Variants in KHDRBS2 observed in about 807,000 individuals in gnomAD.
KHDRBS2 encodes KH domain-containing, RNA-binding, signal transduction-associated protein 2.
A neutral mutation model predicts 44.3 loss-of-function variants in KHDRBS2; 26 were observed. The ratio of observed to expected loss-of-function variants is 0.59; its 90% confidence interval spans 0.43 to 0.81. The LOEUF (loss-of-function observed/expected upper bound fraction) is 0.81, where lower values mean the gene tolerates loss of function less well. Among genes scored for constraint, KHDRBS2 ranks in the 40% least tolerant of loss-of-function variants. The probability of loss-of-function intolerance (pLI) is 0.00; values close to 1 mark genes in which losing one functional copy is unlikely to be tolerated. For synonymous variants in KHDRBS2, 194 were observed against 151.1 expected, an observed-to-expected ratio of 1.28 and a Z score of -2.08; for missense variants, 476 against 433.1, an observed-to-expected ratio of 1.10 and a Z score of -0.88.
chr6:62,285,762 G>T, intron 1 of KHDRBS2, 96 bp downstream of exon 1: 2 of 770,710 alleles, frequency 2.6e-6, no homozygotes, highest in East Asian at 2.9e-5. Context: ...TGCGAAGGCG[G>T]GGAGAGGAGT....
intron 4 of KHDRBS2, among the ~76,000 whole-genome samples, chr6:61,914,081 G>T (rs1465275354): frequency 6.6e-6 from 1 of 151,986 alleles, no homozygotes; most frequent in African/African-American, 2.4e-5. Flanking sequence ...GACACAAATG[G>T]ATTAAAGTAG....
the KHDRBS2 span, among the ~76,000 whole-genome samples, chr6:61,664,990 TA>T: frequency 1.3e-5 from 2 of 151,588 alleles, no homozygotes. Flanking sequence ...ATTTGTAATT[TA>T]AAAGATATAC....
At chr6:62,273,177 T>C (rs187205619) in intron 1 of KHDRBS2, among the ~76,000 whole-genome samples, 33 of 152,240 alleles carry the variant, frequency 2.2e-4, no homozygotes, top group African/African-American at 7.2e-4. Flanking sequence ...TCACACAAAA[T>C]TGCTATTTTT....
intron 4 of KHDRBS2, among the ~76,000 whole-genome samples, chr6:61,916,976 T>TC (rs1807131622): frequency 6.7e-6 from 1 of 149,180 alleles, no homozygotes; most frequent in Non-Finnish European, 1.5e-5. Flanking sequence ...TTTTTTTTTT[T>TC]TTTTTTTTTT....
chr6:62,055,178 T>C, intron 2 of KHDRBS2, among the ~76,000 whole-genome samples: 1 of 151,938 alleles, frequency 6.6e-6, no homozygotes, highest in East Asian at 1.9e-4. Flanking sequence ...ATCACAAATC[T>C]GAAGATGGTT....
intron 1 of KHDRBS2, among the ~76,000 whole-genome samples, chr6:62,230,974 G>A (rs992876143): frequency 6.6e-6 from 1 of 152,082 alleles, no homozygotes; most frequent in Non-Finnish European, 1.5e-5. Flanking sequence ...ATATTTATTT[G>A]GTTAAGTACT....
chr6:61,597,766 A>ATT, the KHDRBS2 span, among the ~76,000 whole-genome samples: 1 of 26,534 alleles, frequency 3.8e-5, no homozygotes, highest in Non-Finnish European at 8.4e-5. Context: ...ATACATATAT[A>ATT]TATATATACA....
the KHDRBS2 span, among the ~76,000 whole-genome samples, chr6:61,624,873 G>T: frequency 6.6e-6 from 1 of 152,272 alleles, no homozygotes; most frequent in African/African-American, 2.4e-5. Context: ...CCACTTGGAG[G>T]TCCTAGTCTG....
intron 3 of KHDRBS2, among the ~76,000 whole-genome samples, chr6:61,996,900 A>T (rs1777295154): frequency 1.4e-5 from 2 of 145,176 alleles, no homozygotes; most frequent in Admixed American, 1.5e-4. Flanking sequence ...CTCCTGCCTC[A>T]GCCTCTGGAG....
At chr6:61,976,569 C>T (rs1003475218) in intron 4 of KHDRBS2, among the ~76,000 whole-genome samples, 1 of 152,038 alleles carries the variant, frequency 6.6e-6, no homozygotes, top group South Asian at 2.1e-4. Context: ...TTTAAACCAT[C>T]CATTAATATT....
At chr6:62,044,069 T>G (rs1415721271) in intron 3 of KHDRBS2, among the ~76,000 whole-genome samples, 2 of 152,050 alleles carry the variant, frequency 1.3e-5, no homozygotes, top group African/African-American at 2.4e-5. Flanking sequence ...GGAATAAATA[T>G]TTTTGATTTT....
chr6:62,068,114 A>G (rs185705233), intron 2 of KHDRBS2, among the ~76,000 whole-genome samples: 3 of 151,436 alleles, frequency 2.0e-5, no homozygotes. Context: ...GAAGCATCCA[A>G]TTGTTTTCCA....
At chr6:62,115,741 C>A (rs1271282735) in intron 2 of KHDRBS2, among the ~76,000 whole-genome samples, 2 of 152,086 alleles carry the variant, frequency 1.3e-5, no homozygotes, top group Admixed American at 1.3e-4. Flanking sequence ...TATTTCTACA[C>A]ATATAGTGAA....
chr6:61,692,017 T>C (rs1403893269), intron 8 of KHDRBS2, among the ~76,000 whole-genome samples: 41 of 152,158 alleles, frequency 2.7e-4, no homozygotes, highest in Non-Finnish European at 8.8e-5. Context: ...ATACATTAAA[T>C]ACATTTTAAT....
chr6:61,564,005 A>C, the KHDRBS2 span, among the ~76,000 whole-genome samples: 1 of 152,018 alleles, frequency 6.6e-6, no homozygotes, highest in African/African-American at 2.4e-5. Context: ...TTCATGTAAT[A>C]CTCATCATAT....
chr6:62,008,207 T>C (rs1162804276), intron 3 of KHDRBS2, among the ~76,000 whole-genome samples: 1 of 152,166 alleles, frequency 6.6e-6, no homozygotes, highest in Non-Finnish European at 1.5e-5. Context: ...TGCAGCTGGA[T>C]ATAACCTGCC....
At chr6:61,673,397 C>T in the KHDRBS2 span, among the ~76,000 whole-genome samples, 1 of 151,692 alleles carries the variant, frequency 6.6e-6, no homozygotes, top group Non-Finnish European at 1.5e-5. Flanking sequence ...CACTCCTATT[C>T]AACATAGTGT....
intron 1 of KHDRBS2, among the ~76,000 whole-genome samples, chr6:62,256,339 T>C (rs1196745023): frequency 6.6e-6 from 1 of 152,040 alleles, no homozygotes; most frequent in Non-Finnish European, 1.5e-5. Flanking sequence ...CCAAATCTGA[T>C]CTTGAATTGT....
At chr6:62,217,323 T>C (rs1830179846) in intron 1 of KHDRBS2, among the ~76,000 whole-genome samples, 1 of 151,722 alleles carries the variant, frequency 6.6e-6, no homozygotes. Flanking sequence ...CACAACTGGG[T>C]TGTGACTTTT....
Sources: allele counts gnomAD v4.1 joint callset (sites outside exome capture counted in the v4.1 genomes callset), GRCh38; gene constraint gnomAD v4.1.1; transcripts MANE v1.5; gene names NCBI Gene and HGNC (gene_info 2026-07-23, HGNC 2026-07-21).